The following SOCS2 variants were observed in gnomAD, a reference collection of about 807,000 sequenced individuals.
The protein encoded by SOCS2 is CIS-2.
SOCS2 carries 10 observed loss-of-function variants against 18.6 expected under a neutral mutation model. The ratio of observed to expected loss-of-function variants is 0.54; its 90% CI spans 0.33 to 0.91. The LOEUF (loss-of-function observed/expected upper bound fraction) is 0.91, where lower values mean the gene tolerates loss of function less well. SOCS2 is among the 40% of genes least tolerant of loss of function. SOCS2 has a pLI of 0.02. For missense variants in SOCS2, 231 were observed against 247.2 expected, an observed-to-expected ratio of 0.93 and a Z score of 0.44; for synonymous variants, 104 against 104.0, an observed-to-expected ratio of 1.00 and a Z score of 0.00.
chr12:93,598,996 A>G, the SOCS2 span, among the ~76,000 whole-genome samples: 3 of 152,094 alleles, frequency 2.0e-5, no homozygotes, highest in East Asian at 5.8e-4. Flanking sequence ...CACCTCCTCA[A>G]CAGTTAGTGT....
At chr12:93,573,650 G>C (rs1954346766) in intron 1 of SOCS2, 1 of 156,552 alleles carries the variant, frequency 6.4e-6, no homozygotes, top group African/African-American at 2.4e-5. Context: ...AAAGAAAAAA[G>C]AAAAAAAGTA....
chr12:93,580,223 ATTTG>A, downstream of SOCS2, among the ~76,000 whole-genome samples: 1 of 152,280 alleles, frequency 6.6e-6, no homozygotes, highest in African/African-American at 2.4e-5. Flanking sequence ...AAAGATAAAA[ATTTG>A]TTTGTTTTTG....
At chr12:93,614,425 C>CT in the SOCS2 span, among the ~76,000 whole-genome samples, 2 of 91,566 alleles carry the variant, frequency 2.2e-5, no homozygotes, top group African/African-American at 4.9e-5. Flanking sequence ...TTCTTCCTTT[C>CT]TTTCCCTTCC....
At chr12:93,610,187 A>G in the SOCS2 span, among the ~76,000 whole-genome samples, 6 of 152,204 alleles carry the variant, frequency 3.9e-5, no homozygotes, top group South Asian at 2.1e-4. Context: ...ATATGTTACA[A>G]CAGTCGTTCT....
At chr12:93,571,718 C>A (rs1284108054), upstream of SOCS2, 3 of 292,516 alleles carry the variant, frequency 1.0e-5, no homozygotes, top group Non-Finnish European at 2.1e-5. Context: ...CTCCGACCGC[C>A]GCCTCCGAGC....
chr12:93,614,478 C>CCTTCCTTCCTTT, the SOCS2 span, among the ~76,000 whole-genome samples: 5 of 49,436 alleles, frequency 1.0e-4, 2 homozygotes, highest in African/African-American at 7.2e-4. Flanking sequence ...TTCCTTCCTT[C>CCTTCCTTCCTTT]CTTTCCTTCC....
chr12:93,621,202 C>T, the SOCS2 span, among the ~76,000 whole-genome samples: 1 of 152,146 alleles, frequency 6.6e-6, no homozygotes, highest in Non-Finnish European at 1.5e-5. Flanking sequence ...TTTTGAGATA[C>T]CTAATTGAAA....
chr12:93,583,698 G>A (rs1190841256), downstream of SOCS2, among the ~76,000 whole-genome samples: 1 of 152,146 alleles, frequency 6.6e-6, no homozygotes, highest in African/African-American at 2.4e-5. Context: ...GTTTTATTAC[G>A]TCCAAGGCGT....
chr12:93,620,127 CT>C, the SOCS2 span, among the ~76,000 whole-genome samples: 2 of 151,942 alleles, frequency 1.3e-5, no homozygotes, highest in Non-Finnish European at 2.9e-5. Flanking sequence ...TCTTATATAA[CT>C]CATTTTCAAT....
chr12:93,614,599 CTTTCTTTCTT>C, the SOCS2 span, among the ~76,000 whole-genome samples: 12 of 108,480 alleles, frequency 1.1e-4, no homozygotes, highest in Admixed American at 3.2e-4. Flanking sequence ...TTCTTTCTTT[CTTTCTTTCTT>C]TCTTTCTTTC....
chr12:93,574,608 T>C (rs1361525800), intron 1 of SOCS2, 114 bp from the exon 2 acceptor site: 1 of 684,318 alleles, frequency 1.5e-6, no homozygotes, highest in Non-Finnish European at 2.2e-6. Flanking sequence ...CCACCTTTTT[T>C]TTTTTTCTTT....
In SOCS2 at chr12:93,575,135, A is replaced by G. The variant is rs780881058; in HGVS notation, c.553A>G (p.Thr185Ala). The G allele has an allele frequency of 1.1e-5, 18 of 1,576,788 alleles. No individual in the cohort carries two copies. The highest frequency in any genetic ancestry group is 2.2e-5 in the East Asian group (1 of 44,728). The change falls in exon 2 of 2, where the codon ACA (threonine) becomes GCA (alanine). Residue 185 changes from threonine to alanine, a missense_variant. Around this residue, in one of 3 missense-constraint regions of SOCS2, gnomAD observed 122 missense variants for 127.2 expected, o/e 0.96. Transcript: ENST00000551556. ...TGAIWGLPLP[T>A]RLKDYLEEYK... ...TGCCATCTGGGGACTGCCTTTACCA[A>G]CAAGACTAAAAGATTACTTGGAAGA...
chr12:93,584,461 A>C (rs889925256), downstream of SOCS2, among the ~76,000 whole-genome samples: 4 of 152,176 alleles, frequency 2.6e-5, no homozygotes, highest in Admixed American at 1.3e-4. Flanking sequence ...TTTGAATTCA[A>C]GCCACTCTGA....
the SOCS2 span, among the ~76,000 whole-genome samples, chr12:93,613,307 C>T: frequency 4.6e-5 from 7 of 152,196 alleles, no homozygotes; most frequent in Non-Finnish European, 1.0e-4. Context: ...TTCTCATCCT[C>T]ATGTACAGCC....
chr12:93,593,471 A>T, the SOCS2 span, among the ~76,000 whole-genome samples: 1 of 152,210 alleles, frequency 6.6e-6, no homozygotes, highest in Non-Finnish European at 1.5e-5. Flanking sequence ...ATTAGAATTA[A>T]ATTAAAATCA....
chr12:93,610,361 AAC>A, the SOCS2 span, among the ~76,000 whole-genome samples: 1 of 152,068 alleles, frequency 6.6e-6, no homozygotes, highest in African/African-American at 2.4e-5. Flanking sequence ...GATTTGTTCA[AAC>A]ACAACTTCCT....
chr12:93,574,891 A>G lies in SOCS2; in HGVS notation c.309A>G (p.Lys103=). 2 of 1,614,216 alleles carry G rather than the reference A, an allele frequency of 1.2e-6. No individual in the cohort carries two copies. The highest frequency in any genetic ancestry group is 1.7e-6 in the Non-Finnish European group (2 of 1,180,040). The change falls in exon 2 of 2, where the codon AAA becomes AAG. Residue 103 remains lysine (K), a synonymous_variant. Transcript: ENST00000551556. ...TNLRIEYQDG[K]FRLDSIICVK... is the part of the protein sequence containing the mutation. ...TTCGAATCGAATACCAAGACGGAAA[A>G]TTCAGATTGGACTCTATCATATGTG...
the SOCS2 span, among the ~76,000 whole-genome samples, chr12:93,603,319 G>A: frequency 6.6e-6 from 1 of 152,176 alleles, no homozygotes; most frequent in Non-Finnish European, 1.5e-5. Context: ...TCCTCAGACT[G>A]AGTGGTCATT....
chr12:93,593,590 G>A, the SOCS2 span, among the ~76,000 whole-genome samples: 1 of 152,130 alleles, frequency 6.6e-6, no homozygotes, highest in Non-Finnish European at 1.5e-5. Flanking sequence ...GTTTATAAAT[G>A]ATCATAGTAG....
Sources: gnomAD v4.1 joint callset for allele counts (sites outside exome capture counted in the v4.1 genomes callset) on GRCh38, gnomAD v4.1.1 for gene constraint, gnomAD v4.1.1 regional missense constraint, MANE v1.5 for transcripts, NCBI Gene and HGNC (gene_info 2026-07-23, HGNC 2026-07-21) for gene names.